CNNM2: variants seen among roughly 807,000 people sequenced by gnomAD.
CNNM2 encodes metal transporter CNNM2.
In CNNM2, 12 loss-of-function variants were observed where a neutral mutation model predicts 66.9. The ratio of observed to expected loss-of-function variants is 0.18; its 90% CI spans 0.11 to 0.29. The LOEUF (loss-of-function observed/expected upper bound fraction) is 0.29, where lower values mean the gene tolerates loss of function less well. CNNM2 is among the 10% of genes least tolerant of loss of function. The pLI is 1.00. For synonymous variants in CNNM2, 557 were observed against 501.8 expected (o/e 1.11, Z -1.47); for missense variants, 705 against 1,167.7 (o/e 0.60, Z 5.77).
intron 1 of CNNM2, among the ~76,000 whole-genome samples, chr10:102,998,760 T>C (rs1455168858): frequency 2.0e-5 from 3 of 152,108 alleles, no homozygotes; most frequent in Non-Finnish European, 4.4e-5. Flanking sequence ...GTTGGATTGC[T>C]TGAGAACCAG....
At chr10:103,019,503 T>C (rs755459588) in intron 1 of CNNM2, among the ~76,000 whole-genome samples, 4 of 152,068 alleles carry the variant, frequency 2.6e-5, no homozygotes, top group Non-Finnish European at 4.4e-5. Context: ...AGGAACCAGA[T>C]AGGGGACATG....
chr10:103,062,021 T>C (rs546732086), intron 4 of CNNM2, among the ~76,000 whole-genome samples: 87 of 152,338 alleles, frequency 5.7e-4, no homozygotes, highest in African/African-American at 1.9e-3. Flanking sequence ...CCTAAACTGG[T>C]AGCCTCCCAT....
rs772392489 is a variant in CNNM2, at chr10:103,068,608, AC to A, written c.2074-19del. ...AGGCTTTTGCAACTGGACTGAAAAT[AC>A]CTGCCTTTTCTCTCCACAGGGGAAA... On this transcript the variant is annotated intron_variant, in intron 4 of 7. Transcript: ENST00000369878. 1.3e-6 allele frequency: 2 copies of A among 1,595,884 alleles called. No homozygotes were observed. Among genetic ancestry groups the A allele is most frequent in the Non-Finnish European group, 1.7e-6 (2 of 1,169,054 alleles).
At chr10:102,951,467 G>A (rs1291740392) in intron 1 of CNNM2, among the ~76,000 whole-genome samples, 1 of 152,116 alleles carries the variant, frequency 6.6e-6, no homozygotes, top group African/African-American at 2.4e-5. Flanking sequence ...AAAGTGCTGG[G>A]ATTATGGGGA....
At chr10:103,024,870 C>G (rs2064669353) in intron 1 of CNNM2, among the ~76,000 whole-genome samples, 1 of 152,152 alleles carries the variant, frequency 6.6e-6, no homozygotes, top group Admixed American at 6.5e-5. Flanking sequence ...TATCATTTAA[C>G]TCATTTATCT....
chr10:103,015,062 C>T (rs2064415946), intron 1 of CNNM2, among the ~76,000 whole-genome samples: 2 of 152,032 alleles, frequency 1.3e-5, no homozygotes, highest in African/African-American at 4.8e-5. Context: ...ATTTGAAAAA[C>T]CAGAACATAT....
At chr10:103,064,755 G>T (rs2065447715) in intron 4 of CNNM2, among the ~76,000 whole-genome samples, 2 of 152,168 alleles carry the variant, frequency 1.3e-5, no homozygotes, top group Non-Finnish European at 2.9e-5. Flanking sequence ...TACAAGTGTT[G>T]CTTGAGCTCA....
At chr10:103,064,062 G>C (rs1456984899) in intron 4 of CNNM2, among the ~76,000 whole-genome samples, 1 of 152,158 alleles carries the variant, frequency 6.6e-6, no homozygotes, top group African/African-American at 2.4e-5. Context: ...GATGTAGTGG[G>C]GTGGGCAGGT....
chr10:102,956,852 G>A (rs914299925), intron 1 of CNNM2, among the ~76,000 whole-genome samples: 15 of 152,078 alleles, frequency 9.9e-5, no homozygotes, highest in African/African-American at 3.4e-4. Context: ...GATAGCATTG[G>A]GAGAAATACC....
rs138013164 is a variant in CNNM2 at position 103,033,807 on chromosome 10, A to G, written c.1622-15900A>G. On this transcript the variant is annotated intron_variant, in intron 1 of 7. Transcript: ENST00000369878. ...GCCCTTCTACACATTTTTAAGAGCT[A>G]TTGGGGGAAAGTAGATCATGGGAAT... Among the ~76,000 whole-genome samples the G allele has an allele frequency of 4.6e-4, 70 of 152,284 alleles. No homozygotes were observed. The East Asian group carries it at 0.013, about 29-fold the overall frequency.
chr10:102,988,411 C>G (rs1247632076), intron 1 of CNNM2, among the ~76,000 whole-genome samples: 1 of 152,050 alleles, frequency 6.6e-6, no homozygotes, highest in Non-Finnish European at 1.5e-5. Flanking sequence ...TGTGAATGCT[C>G]ACAGGTGCAA....
chr10:103,011,574 A>T (rs2064342699), intron 1 of CNNM2, among the ~76,000 whole-genome samples: 1 of 152,094 alleles, frequency 6.6e-6, no homozygotes, highest in African/African-American at 2.4e-5. Flanking sequence ...GTCAGAGAGA[A>T]GTGAGAAAAG....
chr10:102,974,855 T>C lies in CNNM2; in HGVS notation c.1621+54754T>C, dbSNP rs6584535. Among the ~76,000 whole-genome samples, 124,530 of 152,184 alleles carry C rather than the reference T, an allele frequency of 0.82. 51,596 individuals carry two copies. Among genetic ancestry groups the C allele is most frequent in the African/African-American group, 0.95 (39,469 of 41,544 alleles). On this transcript the variant is annotated intron_variant, in intron 1 of 7. Coordinates refer to ENST00000369878, the MANE Select transcript of CNNM2 (RefSeq NM_017649.5). ...CCCATGAATCCTATTTTATTCTGTA[T>C]TGGGGTGGACACAACTATCAAGTCT...
chr10:103,070,065 C>T (rs1021366346), intron 5 of CNNM2, among the ~76,000 whole-genome samples: 1 of 152,184 alleles, frequency 6.6e-6, no homozygotes, highest in African/African-American at 2.4e-5. Flanking sequence ...GCCCCAAATG[C>T]CCCTTCTCAC....
chr10:103,049,096 C>CG (rs1462223084), intron 1 of CNNM2, among the ~76,000 whole-genome samples: 2 of 152,128 alleles, frequency 1.3e-5, no homozygotes, highest in African/African-American at 4.8e-5. Context: ...TCTTCCCGCC[C>CG]GGGCCTCCCA....
intron 1 of CNNM2, among the ~76,000 whole-genome samples, chr10:103,004,478 G>A (rs1467093618): frequency 6.6e-6 from 1 of 152,186 alleles, no homozygotes. Flanking sequence ...TGGATCATAA[G>A]GCAGTGCTTC....
chr10:102,990,507 T>G (rs117439993), intron 1 of CNNM2, among the ~76,000 whole-genome samples: 20 of 152,196 alleles, frequency 1.3e-4, no homozygotes, highest in South Asian at 2.1e-4. Context: ...ATCAGAAAAA[T>G]AATAGAAACA....
intron 1 of CNNM2, among the ~76,000 whole-genome samples, chr10:102,963,945 T>G (rs2063422119): frequency 6.6e-6 from 1 of 152,242 alleles, no homozygotes; most frequent in Non-Finnish European, 1.5e-5. Context: ...TAAACAGATG[T>G]GCATTGTTCT....
rs149080416 is a variant in CNNM2, at chr10:103,013,053, A to C, written c.1622-36654A>C. ...CTTCATAAAATTGAATAGGTAACAT[A>C]GCAAAATAAGCTACAGTGTGGATCT... On this transcript the variant is annotated intron_variant, in intron 1 of 7. Transcript: ENST00000369878. 7.1e-4 allele frequency among the ~76,000 whole-genome samples: 108 copies of C among 152,322 alleles called. 1 individual carries two copies. Among genetic ancestry groups the C allele is most frequent in the African/African-American group, 2.5e-3 (105 of 41,574 alleles).
Sources: allele counts gnomAD v4.1 joint callset (sites outside exome capture counted in the v4.1 genomes callset), GRCh38; gene constraint gnomAD v4.1.1; transcripts MANE v1.5; gene names NCBI Gene and HGNC (gene_info 2026-07-23, HGNC 2026-07-21).